Variants in NTM observed in about 807,000 individuals in gnomAD.
NTM encodes the protein IgLON family member 2.
In NTM, 13 loss-of-function variants were observed where a neutral mutation model predicts 42.1. The ratio of observed to expected loss-of-function variants is 0.31; its 90% CI spans 0.20 to 0.49. NTM has a LOEUF of 0.49. Among genes scored for constraint, NTM ranks in the 20% least tolerant of loss-of-function variants. The probability of loss-of-function intolerance (pLI) is 0.99; values close to 1 mark genes in which losing one functional copy is unlikely to be tolerated. For missense variants in NTM, 373 were observed against 452.8 expected, an observed-to-expected ratio of 0.82 and a Z score of 1.60; for synonymous variants, 187 against 179.2, an observed-to-expected ratio of 1.04 and a Z score of -0.35.
chr11:131,949,128 G>C (rs2060698988), intron 2 of NTM, among the ~76,000 whole-genome samples: 1 of 152,132 alleles, frequency 6.6e-6, no homozygotes, highest in African/African-American at 2.4e-5. Context: ...ATGTCCTCCA[G>C]GTTCATCCGT....
chr11:132,045,261 G>A (rs1264868075), intron 2 of NTM, among the ~76,000 whole-genome samples: 1 of 152,154 alleles, frequency 6.6e-6, no homozygotes, highest in Non-Finnish European at 1.5e-5. Context: ...GTTCTGGGAG[G>A]CAACTGCCAT....
chr11:131,807,722 GC>G (rs1393817950), intron 1 of NTM, among the ~76,000 whole-genome samples: 49 of 152,252 alleles, frequency 3.2e-4, no homozygotes, highest in African/African-American at 1.1e-3. Flanking sequence ...TGTCTTCAGT[GC>G]CTAGAAAAGT....
chr11:132,041,708 G>C (rs947246939), intron 2 of NTM, among the ~76,000 whole-genome samples: 1 of 152,154 alleles, frequency 6.6e-6, no homozygotes, highest in South Asian at 2.1e-4. Context: ...ACAGCCCCCA[G>C]TACTGCTGAG....
chr11:131,689,277 T>TGCTCTGGCCCTGCCTTG (rs2074352835), intron 1 of NTM, among the ~76,000 whole-genome samples: 11 of 152,172 alleles, frequency 7.2e-5, no homozygotes, highest in Admixed American at 7.2e-4. Flanking sequence ...CAGGGAAGGC[T>TGCTCTGGCCCTGCCTTG]GCTCTGGCCC....
intron 4 of NTM, among the ~76,000 whole-genome samples, chr11:132,272,972 A>G (rs568914466): frequency 6.6e-6 from 1 of 152,196 alleles, no homozygotes; most frequent in African/African-American, 2.4e-5. Context: ...GATTTTTACC[A>G]CTAAGTATAA....
rs990045124 is a variant in NTM at position 131,418,425 on chromosome 11, G to A, written c.82+47537G>A. Reference sequence around the variant, plus strand: ...GTCGCCACATCTGTGAAGGTCAGACGCCACCTAGAGATATTCAAGTCTCCT... The same window carrying A: ...GTCGCCACATCTGTGAAGGTCAGACACCACCTAGAGATATTCAAGTCTCCT... On this transcript the variant is annotated intron_variant, in intron 1 of 8. Transcript: ENST00000683400. 7.2e-5 allele frequency among the ~76,000 whole-genome samples: 11 copies of A among 152,168 alleles called. No individual in the cohort carries two copies. In the East Asian group the frequency reaches 9.6e-4, roughly 13 times the overall value.
intron 1 of NTM, among the ~76,000 whole-genome samples, chr11:131,514,997 G>C (rs573793503): frequency 6.6e-6 from 1 of 152,068 alleles, no homozygotes; most frequent in African/African-American, 2.4e-5. Flanking sequence ...TAGCCTTGAC[G>C]TCTTGGGAAC....
chr11:131,953,666 G>A (rs528589983), intron 2 of NTM, among the ~76,000 whole-genome samples: 1 of 152,198 alleles, frequency 6.6e-6, no homozygotes, highest in African/African-American at 2.4e-5. Context: ...CTGAGGCTCA[G>A]CACTGGACAA....
At chr11:132,319,801 A>C (rs890932052) in intron 7 of NTM, among the ~76,000 whole-genome samples, 1 of 152,230 alleles carries the variant, frequency 6.6e-6, no homozygotes, top group African/African-American at 2.4e-5. Flanking sequence ...TGGAGATCTG[A>C]GAACAGGCAG....
At chr11:131,671,785 C>T (rs980628193) in intron 1 of NTM, among the ~76,000 whole-genome samples, 9 of 152,322 alleles carry the variant, frequency 5.9e-5, no homozygotes, top group East Asian at 1.9e-4. Context: ...CCCCTGAGCT[C>T]GCCTCAGAGT....
chr11:131,498,019 T>C (rs778874654), intron 1 of NTM, among the ~76,000 whole-genome samples: 3 of 152,196 alleles, frequency 2.0e-5, no homozygotes, highest in Admixed American at 2.0e-4. Context: ...CTAGCTGCGT[T>C]AGGAATAAGA....
chr11:132,216,014 C>A (rs1457040374), intron 4 of NTM, among the ~76,000 whole-genome samples: 1 of 152,218 alleles, frequency 6.6e-6, no homozygotes, highest in Non-Finnish European at 1.5e-5. Context: ...AGGAACAGGG[C>A]AGCCAACTGC....
intron 1 of NTM, among the ~76,000 whole-genome samples, chr11:131,551,718 G>A (rs1230264064): frequency 6.6e-6 from 1 of 152,094 alleles, no homozygotes; most frequent in Non-Finnish European, 1.5e-5. Flanking sequence ...TGAGAGGATC[G>A]ACACATGTTT....
At chr11:131,892,743 C>A (rs919876093) in intron 1 of NTM, among the ~76,000 whole-genome samples, 1 of 152,208 alleles carries the variant, frequency 6.6e-6, no homozygotes, top group Non-Finnish European at 1.5e-5. Context: ...GAGGGGTAGC[C>A]ATAGCTTTGA....
intron 1 of NTM, among the ~76,000 whole-genome samples, chr11:131,672,606 C>T (rs1269193641): frequency 1.3e-5 from 2 of 152,128 alleles, no homozygotes; most frequent in South Asian, 2.1e-4. Context: ...TGTAGGCTGG[C>T]ATTAATTGTA....
At chr11:132,109,156 A>G (rs1247153933) in intron 2 of NTM, among the ~76,000 whole-genome samples, 3 of 151,754 alleles carry the variant, frequency 2.0e-5, no homozygotes, top group East Asian at 3.9e-4. Flanking sequence ...ACAGTGCTGC[A>G]ATAAACATAC....
At chr11:131,448,186 C>A in intron 1 of NTM, among the ~76,000 whole-genome samples, 1 of 152,234 alleles carries the variant, frequency 6.6e-6, no homozygotes. Context: ...AACAGACTGT[C>A]CTGCGCTGAA....
Position 131,403,814 on chromosome 11 carries a change from G to T in NTM, c.82+32926G>T, listed in dbSNP as rs1019019990. On this transcript the variant is annotated intron_variant, in intron 1 of 8. Transcript: ENST00000683400. ...CTTATCTTCCAGATACCAAATCTCA[G>T]TATACCTGCCTTTCATTTGTAGGGC... 2.6e-5 allele frequency among the ~76,000 whole-genome samples: 4 copies of T among 152,120 alleles called. No homozygotes were observed. In the East Asian group the frequency reaches 5.8e-4, roughly 22 times the overall value.
At chr11:132,198,100 T>C (rs2080566468) in intron 3 of NTM, among the ~76,000 whole-genome samples, 1 of 152,330 alleles carries the variant, frequency 6.6e-6, no homozygotes, top group East Asian at 1.9e-4. Flanking sequence ...GTTGAACTAG[T>C]TTACGATCCC....
Sources: allele counts gnomAD v4.1 joint callset (sites outside exome capture counted in the v4.1 genomes callset), GRCh38; gene constraint gnomAD v4.1.1; transcripts MANE v1.5; gene names NCBI Gene and HGNC (gene_info 2026-07-23, HGNC 2026-07-21).